The following EIF4E1B variants were observed in gnomAD, a reference collection of about 807,000 sequenced individuals.
EIF4E1B encodes the protein eukaryotic translation initiation factor 4E family member 1B, also known as eukaryotic translation initiation factor 4E type 1B.
EIF4E1B carries 22 observed loss-of-function variants against 31.3 expected under a neutral mutation model. The ratio of observed to expected loss-of-function variants is 0.70; its 90% CI spans 0.50 to 1.00. The LOEUF is 1.00. Among genes scored for constraint, EIF4E1B ranks in the 50% least tolerant of loss-of-function variants. The probability of loss-of-function intolerance (pLI) is 0.00; values close to 1 mark genes in which losing one functional copy is unlikely to be tolerated. For synonymous variants in EIF4E1B, 126 were observed against 120.2 expected (o/e 1.05, Z -0.31); for missense variants, 290 against 311.6 (o/e 0.93, Z 0.52).
At chr5:176,633,530 G>A (rs1760444026) in intron 1 of EIF4E1B, among the ~76,000 whole-genome samples, 2 of 152,078 alleles carry the variant, frequency 1.3e-5, no homozygotes, top group African/African-American at 2.4e-5. Context: ...GGCTGGTCTC[G>A]AACTCCTGGC....
intron 5 of EIF4E1B, chr5:176,644,067 G>A (rs1760646948): frequency 3.6e-6 from 2 of 557,146 alleles, no homozygotes; most frequent in South Asian, 2.4e-5. Flanking sequence ...GTGCTCACGG[G>A]AGTGGCTCTG....
At chr5:176,635,498 C>T (rs1182931668) in intron 1 of EIF4E1B, among the ~76,000 whole-genome samples, 1 of 152,146 alleles carries the variant, frequency 6.6e-6, no homozygotes, top group Non-Finnish European at 1.5e-5. Flanking sequence ...TCCAGAGTGT[C>T]GAGGTAACAG....
intron 1 of EIF4E1B, among the ~76,000 whole-genome samples, chr5:176,631,844 A>C (rs945510731): frequency 6.6e-6 from 1 of 152,216 alleles, no homozygotes; most frequent in Admixed American, 6.5e-5. Context: ...ATACATGCAC[A>C]CAAAGATACC....
chr5:176,640,547 TATC>T (rs1207439763), intron 1 of EIF4E1B, among the ~76,000 whole-genome samples: 1 of 152,218 alleles, frequency 6.6e-6, no homozygotes, highest in Non-Finnish European at 1.5e-5. Flanking sequence ...TTGAGTCTAT[TATC>T]ATCTCTCCAT....
chr5:176,632,153 A>G (rs954674239), intron 1 of EIF4E1B, among the ~76,000 whole-genome samples: 8 of 152,252 alleles, frequency 5.3e-5, no homozygotes, highest in Non-Finnish European at 1.0e-4. Context: ...TCAAATATAT[A>G]TTATATACTA....
At position 176,643,789 on chromosome 5, in the gene EIF4E1B, CCT is replaced by C. The variant is rs1460044967; in HGVS notation, c.296+61_296+62del. 9.7e-6 allele frequency: 15 copies of C among 1,552,324 alleles called. No homozygotes were observed. In the Admixed American group the frequency reaches 2.1e-4, roughly 21 times the overall value. ...TTGGGGGGCTCTGAGCTCTGGGCTC[CCT>C]CTCTCCGGGTTGAGCCAGCCCTCCC... is the stretch of plus-strand genomic sequence containing the variant. On this transcript the variant is annotated intron_variant, in intron 5 of 8. Coordinates refer to ENST00000318682, the MANE Select transcript of EIF4E1B (RefSeq NM_001099408.2).
rs561706049 is a variant in EIF4E1B at position 176,632,193 on chromosome 5, C to T, written c.-202+1129C>T. On this transcript the variant is annotated intron_variant, in intron 1 of 8. Coordinates refer to ENST00000318682, the MANE Select transcript of EIF4E1B (RefSeq NM_001099408.2). ...ATACATACTTATCACATACTATATA[C>T]ATTATACACAGACACCTTATATACA... Among the ~76,000 whole-genome samples the T allele has an allele frequency of 5.3e-5, 8 of 152,310 alleles. No individual in the cohort carries two copies. The East Asian group carries it at 1.2e-3, about 22-fold the overall frequency.
intron 1 of EIF4E1B, among the ~76,000 whole-genome samples, chr5:176,634,361 G>C (rs888531887): frequency 3.3e-5 from 5 of 152,074 alleles, no homozygotes; most frequent in African/African-American, 1.2e-4. Flanking sequence ...AGGCAGGAAG[G>C]AACACCTAGA....
chr5:176,640,902 A>G (rs570908727), intron 1 of EIF4E1B, among the ~76,000 whole-genome samples: 1 of 152,084 alleles, frequency 6.6e-6, no homozygotes, highest in South Asian at 2.1e-4. Flanking sequence ...CCAGTTAATT[A>G]TTTCCTATTA....
In EIF4E1B at chr5:176,645,543, G is replaced by T; in HGVS notation, c.614+27G>T. The T allele has an allele frequency of 6.7e-7, 1 of 1,503,466 alleles. No individual in the cohort carries two copies. The highest frequency in any genetic ancestry group is 8.9e-7 in the Non-Finnish European group (1 of 1,127,830). 93.1% of individuals were successfully genotyped at this position (1,503,466 alleles called of 1,614,324 possible). A position where few individuals can be genotyped will look rare whatever the true frequency, so the allele number is the denominator to read the frequency against. On this transcript the variant is annotated intron_variant, in intron 8 of 8. Coordinates refer to ENST00000318682, the MANE Select transcript of EIF4E1B (RefSeq NM_001099408.2). This position sits in a 1 kb window ranked among gnomAD's most constrained non-coding sequence, Gnocchi z 5.4. ...TGAGGAGGGTCTCTGGCACAGGGTG[G>T]GGACTTGGGTCTCTGCTAGAGGGAA...
intron 3 of EIF4E1B, 63 bp downstream of exon 3, chr5:176,642,865 C>CCTCCCG (rs56115420): frequency 1.0e-6 from 1 of 957,224 alleles, no homozygotes; most frequent in Non-Finnish European, 1.4e-6. Flanking sequence ...CCCCCCCCCC[C>CCTCCCG]GCCCCAGGTG....
intron 1 of EIF4E1B, among the ~76,000 whole-genome samples, chr5:176,641,129 G>A (rs2113444036): frequency 6.6e-6 from 1 of 152,072 alleles, no homozygotes; most frequent in Middle Eastern, 3.4e-3. Context: ...GACCAGCCTG[G>A]GCAACATGGC....
intron 1 of EIF4E1B, among the ~76,000 whole-genome samples, chr5:176,631,703 G>T (rs1397066960): frequency 6.6e-6 from 1 of 151,878 alleles, no homozygotes; most frequent in Non-Finnish European, 1.5e-5. Context: ...ACATTCACAG[G>T]CCGCTGGTAG....
At chr5:176,644,326 AG>A in intron 5 of EIF4E1B, 49 bp from the exon 6 acceptor site, 2 of 1,546,504 alleles carry the variant, frequency 1.3e-6, no homozygotes. Context: ...AGTTGGAACC[AG>A]GCCCTAAAAA....
intron 4 of EIF4E1B, 123 bp from the exon 5 acceptor site, chr5:176,643,516 G>A (rs541945935): frequency 3.1e-6 from 3 of 968,510 alleles, no homozygotes; most frequent in South Asian, 3.2e-5. Context: ...GGGGAATGCT[G>A]TGCCCCAAAT....
At chr5:176,639,379 T>A (rs1387604446) in intron 1 of EIF4E1B, among the ~76,000 whole-genome samples, 2 of 152,120 alleles carry the variant, frequency 1.3e-5, no homozygotes, top group African/African-American at 4.8e-5. Flanking sequence ...ATAGACAGAC[T>A]TGGAAGGGCC....
At chr5:176,633,476 A>G (rs1451374513) in intron 1 of EIF4E1B, among the ~76,000 whole-genome samples, 3 of 151,904 alleles carry the variant, frequency 2.0e-5, no homozygotes, top group African/African-American at 7.3e-5. Context: ...TTTGTGATTT[A>G]CTTATTTATT....
intron 1 of EIF4E1B, among the ~76,000 whole-genome samples, chr5:176,634,407 C>G (rs1338529286): frequency 1.3e-5 from 2 of 152,102 alleles, no homozygotes; most frequent in African/African-American, 4.8e-5. Flanking sequence ...GTAAAATACT[C>G]CCACCACAGT....
Position 176,643,625 on chromosome 5 carries a change from C to G in EIF4E1B, c.201-14C>G, listed in dbSNP as rs371588640. The G allele has an allele frequency of 4.4e-5, 70 of 1,595,514 alleles. No individual in the cohort carries two copies. The African/African-American group carries it at 8.6e-4, about 20-fold the overall frequency. On this transcript the variant is annotated splice_polypyrimidine_tract_variant and intron_variant, in intron 4 of 8. Coordinates refer to ENST00000318682, the MANE Select transcript of EIF4E1B (RefSeq NM_001099408.2). ...CTCTGCTTCCTCCTGGCTGCCTCCCCCTTCCCCTACCAGGTGGGCTCTGTG... is the reference window on the plus strand; with the variant it reads ...CTCTGCTTCCTCCTGGCTGCCTCCCGCTTCCCCTACCAGGTGGGCTCTGTG...
Sources: allele counts gnomAD v4.1 joint callset (sites outside exome capture counted in the v4.1 genomes callset), GRCh38; gene constraint gnomAD v4.1.1; non-coding constraint Gnocchi (gnomAD v3.1); transcripts MANE v1.5; gene names NCBI Gene and HGNC (gene_info 2026-07-23, HGNC 2026-07-21).